The following SCD5 variants were observed in gnomAD, a reference collection of about 807,000 sequenced individuals.
SCD5 encodes the protein stearoyl-CoA desaturase 5.
Under a neutral mutation model 30.4 loss-of-function variants are expected in SCD5, and 20 were observed. The observed-to-expected ratio is 0.66, with a 90% CI of 0.46 to 0.96. The LOEUF (loss-of-function observed/expected upper bound fraction) is 0.96, where lower values mean the gene tolerates loss of function less well. SCD5 is among the 40% of genes least tolerant of loss of function. The pLI is 0.00. For synonymous variants in SCD5, 173 were observed against 176.4 expected, an observed-to-expected ratio of 0.98 and a Z score of 0.16; for missense variants, 381 against 443.3, an observed-to-expected ratio of 0.86 and a Z score of 1.26.
chr4:82,798,480 T>C lies in SCD5; in HGVS notation c.58A>G (p.Ile20Val). 6.2e-7 allele frequency: 1 copy of C among 1,612,306 alleles called. No homozygotes were observed. The highest frequency in any genetic ancestry group is 8.5e-7 in the Non-Finnish European group (1 of 1,179,268). Residue 20 changes from isoleucine to valine, a missense_variant, in exon 1 of 5, where the codon ATC (isoleucine) becomes GTC (valine). Physicochemically the swap from Ile to Val is conservative, Grantham distance 29 (BLOSUM62 3). Transcript: ENST00000319540. ...TCAGAGCTTTCGAGCCCGGCACGGA[T>C]TTCTTCCTTGGCGTCGCAGAAAGGG... Reference protein sequence around the residue: ...KIPFCDAKEEIRAGLESSEGG... With the variant: ...KIPFCDAKEEVRAGLESSEGG...
chr4:82,679,516 C>T (rs936615092), intron 3 of SCD5, among the ~76,000 whole-genome samples: 9 of 152,168 alleles, frequency 5.9e-5, no homozygotes, highest in African/African-American at 2.2e-4. Flanking sequence ...ATTCACGAAG[C>T]TCTTACTATG....
intron 2 of SCD5, among the ~76,000 whole-genome samples, chr4:82,704,490 T>C (rs2148827240): frequency 6.6e-6 from 1 of 151,742 alleles, no homozygotes; most frequent in African/African-American, 2.4e-5. Flanking sequence ...CCCAAGGAGG[T>C]GGGGAATGGT....
chr4:82,692,948 G>A (rs1719594640), intron 2 of SCD5, among the ~76,000 whole-genome samples: 1 of 152,178 alleles, frequency 6.6e-6, no homozygotes, highest in Admixed American at 6.5e-5. Flanking sequence ...GGGGGACCCA[G>A]GCAAGCCTTG....
intron 1 of SCD5, among the ~76,000 whole-genome samples, chr4:82,727,399 A>G (rs1358055): frequency 0.36 from 54,018 of 152,014 alleles, 9,747 homozygotes; most frequent in Middle Eastern, 0.39. Context: ...AAACACACTC[A>G]TCCTCACCCT....
intron 1 of SCD5, among the ~76,000 whole-genome samples, chr4:82,764,883 G>T (rs1721455374): frequency 6.6e-6 from 1 of 151,710 alleles, no homozygotes; most frequent in South Asian, 2.1e-4. Flanking sequence ...TGTGCCACCA[G>T]GGCTGGCTAA....
At chr4:82,634,824 G>A (rs866485165) in intron 4 of SCD5, among the ~76,000 whole-genome samples, 25 of 152,220 alleles carry the variant, frequency 1.6e-4, no homozygotes, top group African/African-American at 5.1e-4. Context: ...CCTCATTACA[G>A]TCCTTTCAGA....
chr4:82,726,673 A>G (rs1328399472), intron 1 of SCD5, among the ~76,000 whole-genome samples: 1 of 152,118 alleles, frequency 6.6e-6, no homozygotes, highest in East Asian at 1.9e-4. Context: ...AATTCTTACT[A>G]AACTCAATGC....
At position 82,636,582 on chromosome 4, in the gene SCD5, C is replaced by T. The variant is rs764935204; in HGVS notation, c.802+9G>A. Reference sequence around the variant, plus strand: ...ATTCTCCCCATTGGCCCTCAACACCCCTACTCACCAATGGCACCCAGAGCG... The same window carrying T: ...ATTCTCCCCATTGGCCCTCAACACCTCTACTCACCAATGGCACCCAGAGCG... On this transcript the variant is annotated intron_variant, in intron 4 of 4. Coordinates refer to ENST00000319540, the MANE Select transcript of SCD5 (RefSeq NM_001037582.3). 3.1e-6 allele frequency: 5 copies of T among 1,610,216 alleles called. No individual in the cohort carries two copies. Among genetic ancestry groups the T allele is most frequent in the Admixed American group, 1.7e-5 (1 of 59,922 alleles).
chr4:82,788,102 G>A (rs544494207), intron 1 of SCD5, among the ~76,000 whole-genome samples: 1 of 152,262 alleles, frequency 6.6e-6, no homozygotes, highest in Non-Finnish European at 1.5e-5. Flanking sequence ...CACCCCTTTT[G>A]CCATGTGAAG....
rs560283364 is a variant in SCD5, at chr4:82,631,469, G to A, written c.851C>T (p.Ala284Val). 6.8e-6 allele frequency: 11 copies of A among 1,614,178 alleles called. No individual in the cohort carries two copies. Among genetic ancestry groups the A allele is most frequent in the African/African-American group, 5.3e-5 (4 of 75,062 alleles). The change falls in exon 5 of 5, where the codon GCG (alanine) becomes GTG (valine). Residue 284 changes from alanine to valine, a missense_variant. Coordinates refer to ENST00000319540, the MANE Select transcript of SCD5 (RefSeq NM_001037582.3). ...GTTAAAATTTAAGCCAAATTCACTCGCAGAGTAGTCAAAGGGAAAGGTGTG... is the reference window on the plus strand; with the variant it reads ...GTTAAAATTTAAGCCAAATTCACTCACAGAGTAGTCAAAGGGAAAGGTGTG... The part of the protein sequence containing the change: ...YHHTFPFDYS[A>V]SEFGLNFNPT...
At chr4:82,779,014 C>A (rs530552727) in intron 1 of SCD5, among the ~76,000 whole-genome samples, 12 of 151,922 alleles carry the variant, frequency 7.9e-5, no homozygotes, top group Non-Finnish European at 1.6e-4. Context: ...TACAGGCATG[C>A]GCCACCACGC....
intron 3 of SCD5, among the ~76,000 whole-genome samples, chr4:82,648,073 G>A (rs1293722572): frequency 6.6e-6 from 1 of 152,206 alleles, no homozygotes. Flanking sequence ...GAGTGTGGGA[G>A]GCAGGGGAGG....
At chr4:82,662,859 A>C (rs377158460) in intron 3 of SCD5, among the ~76,000 whole-genome samples, 174 of 96,378 alleles carry the variant, frequency 1.8e-3, no homozygotes, top group African/African-American at 4.6e-3. Context: ...CTCCGTCTCA[A>C]AAAAAAAAAA....
At chr4:82,746,675 G>A (rs17006256) in intron 1 of SCD5, among the ~76,000 whole-genome samples, 7,988 of 152,032 alleles carry the variant, frequency 0.053, 688 homozygotes, top group African/African-American at 0.18. Context: ...CAAAAGTTTT[G>A]AAGACATTTG....
chr4:82,705,432 GACA>G lies in SCD5; in HGVS notation c.233-22_233-20del. ...AAGTAGGCTGCAAGACACAAGCAGG[GACA>G]ACGTCAACAATGGTCCCTGAGCTTT... On this transcript the variant is annotated intron_variant, in intron 1 of 4. Coordinates refer to ENST00000319540, the MANE Select transcript of SCD5 (RefSeq NM_001037582.3). 1 of 1,613,940 alleles carries G rather than the reference GACA, an allele frequency of 6.2e-7. No homozygotes were observed. Among genetic ancestry groups the G allele is most frequent in the Middle Eastern group, 1.7e-4 (1 of 6,060 alleles).
intron 2 of SCD5, among the ~76,000 whole-genome samples, chr4:82,688,220 C>A (rs1728751950): frequency 6.6e-6 from 1 of 152,216 alleles, no homozygotes; most frequent in Admixed American, 6.5e-5. Context: ...CCAGGACCAA[C>A]ATGTCAACAT....
At chr4:82,719,586 T>C (rs6535390) in intron 1 of SCD5, among the ~76,000 whole-genome samples, 88,747 of 149,256 alleles carry the variant, frequency 0.59, 28,255 homozygotes, top group African/African-American at 0.82. Flanking sequence ...TCACTGCAAA[T>C]TCCGCCTCCC....
At chr4:82,781,013 T>C (rs1394385425) in intron 1 of SCD5, among the ~76,000 whole-genome samples, 3 of 152,114 alleles carry the variant, frequency 2.0e-5, no homozygotes, top group Non-Finnish European at 4.4e-5. Context: ...CACACTCACA[T>C]AATTGAAAGG....
At position 82,631,042 on chromosome 4, in the gene SCD5, T is replaced by G. The variant is rs185748411; in HGVS notation, c.*285A>C. 7.8e-5 allele frequency: 17 copies of G among 216,800 alleles called. No individual in the cohort carries two copies. The highest frequency in any genetic ancestry group is 3.6e-5 in the Non-Finnish European group (4 of 111,664). 13.4% of individuals were successfully genotyped at this position (216,800 alleles called of 1,614,324 possible). A position where few individuals can be genotyped will look rare whatever the true frequency, so the allele number is the denominator to read the frequency against. On this transcript the variant is annotated 3_prime_UTR_variant, in exon 5 of 5. Transcript: ENST00000319540. ...AGGAGAATTGCTTGAACCAGGTAGG[T>G]GGAGGCTGCAGTGAGCCGAGACTGC...
Sources: allele counts gnomAD v4.1 joint callset (sites outside exome capture counted in the v4.1 genomes callset), GRCh38; gene constraint gnomAD v4.1.1; transcripts MANE v1.5; gene names NCBI Gene and HGNC (gene_info 2026-07-23, HGNC 2026-07-21).